Variants in HDAC9 observed in about 807,000 individuals in gnomAD.
HDAC9 encodes histone deacetylase 9.
In HDAC9, 41 loss-of-function variants were observed where a neutral mutation model predicts 139.4. The ratio of observed to expected loss-of-function variants is 0.29; its 90% CI spans 0.23 to 0.38. HDAC9 has a LOEUF of 0.38. Ranked by LOEUF, HDAC9 falls within the 10% of genes least tolerant of loss-of-function variation. HDAC9 has a pLI of 1.00. For synonymous variants in HDAC9, 517 were observed against 476.2 expected, an observed-to-expected ratio of 1.09 and a Z score of -1.12; for missense variants, 1,147 against 1,297.0, an observed-to-expected ratio of 0.88 and a Z score of 1.78.
At chr7:18,599,442 TCTC>T (rs1833352629) in intron 6 of HDAC9, among the ~76,000 whole-genome samples, 1 of 152,180 alleles carries the variant, frequency 6.6e-6, no homozygotes, top group Admixed American at 6.5e-5. Context: ...ACCCTAAAAA[TCTC>T]CTGTGCCCCA....
intron 22 of HDAC9, chr7:18,892,585 G>C (rs1297688411): frequency 6.6e-6 from 1 of 152,220 alleles, no homozygotes; most frequent in Non-Finnish European, 1.5e-5. Context: ...TCTCCTGGAA[G>C]GTCATATTGT....
chr7:18,407,362 A>C (rs929252830), intron 1 of HDAC9, among the ~76,000 whole-genome samples: 2 of 152,246 alleles, frequency 1.3e-5, no homozygotes, highest in African/African-American at 4.8e-5. Context: ...GGGACAAATA[A>C]TGTTGCACAT....
At chr7:18,938,566 G>A (rs1041428153) in intron 23 of HDAC9, among the ~76,000 whole-genome samples, 1 of 152,012 alleles carries the variant, frequency 6.6e-6, no homozygotes, top group Admixed American at 6.6e-5. Flanking sequence ...CTGCATTCCA[G>A]CCTGGGCGAC....
At chr7:18,363,967 C>G (rs992976748) in intron 1 of HDAC9, among the ~76,000 whole-genome samples, 1 of 152,146 alleles carries the variant, frequency 6.6e-6, no homozygotes, top group Admixed American at 6.6e-5. Flanking sequence ...CCCAGAATTT[C>G]ATTCTGAATG....
In HDAC9 at chr7:18,762,635, C is replaced by T. The variant is rs1789491223; in HGVS notation, c.2164+358C>T. On this transcript the variant is annotated intron_variant, in intron 15 of 25. Coordinates refer to ENST00000686413, the MANE Select transcript of HDAC9 (RefSeq NM_178425.4). Reference sequence around the variant, plus strand: ...TTTATGCAAATTTCTCTTCACCGTTCCCATTTTTTTGTATCTTTTAGTTCT... The same window carrying T: ...TTTATGCAAATTTCTCTTCACCGTTTCCATTTTTTTGTATCTTTTAGTTCT... Among the ~76,000 whole-genome samples the T allele has an allele frequency of 3.3e-5, 5 of 152,096 alleles. No individual in the cohort carries two copies. In the South Asian group the frequency reaches 1.0e-3, roughly 32 times the overall value.
intron 2 of HDAC9, among the ~76,000 whole-genome samples, chr7:18,563,516 A>T (rs1583428551): frequency 3.3e-5 from 5 of 152,266 alleles, no homozygotes; most frequent in Admixed American, 3.3e-4. Context: ...ATTTTCTTAT[A>T]ACCCCTACAG....
chr7:18,161,707 A>G (rs1197913825), intron 1 of HDAC9, among the ~76,000 whole-genome samples: 4 of 152,164 alleles, frequency 2.6e-5, no homozygotes, highest in Non-Finnish European at 5.9e-5. Context: ...AGACCTCAAG[A>G]AGAAGTGGAA....
intron 14 of HDAC9, among the ~76,000 whole-genome samples, chr7:18,758,708 A>G (rs1262607885): frequency 2.0e-5 from 3 of 152,162 alleles, no homozygotes; most frequent in African/African-American, 7.2e-5. Context: ...TTAATCATCC[A>G]CCAAATTCTC....
chr7:18,622,482 C>G (rs559513440), intron 6 of HDAC9, among the ~76,000 whole-genome samples: 1 of 151,996 alleles, frequency 6.6e-6, no homozygotes, highest in South Asian at 2.1e-4. Context: ...GCCACCACAC[C>G]CGGCTAATTT....
intron 1 of HDAC9, among the ~76,000 whole-genome samples, chr7:18,477,716 A>G (rs962869148): frequency 6.6e-6 from 1 of 152,140 alleles, no homozygotes; most frequent in African/African-American, 2.4e-5. Context: ...GTCGATTCTT[A>G]AAATTGGCCA....
intron 6 of HDAC9, among the ~76,000 whole-genome samples, chr7:18,603,992 C>A (rs1365568900): frequency 1.3e-5 from 2 of 151,994 alleles, no homozygotes; most frequent in African/African-American, 4.8e-5. Flanking sequence ...TAAATCTTAT[C>A]CTTGTTGCTC....
rs976539472 is a variant in HDAC9, at chr7:18,667,547, A to C, written c.1731+1071A>C. 2.0e-5 allele frequency: 20 copies of C among 985,208 alleles called. No homozygotes were observed. The African/African-American group carries it at 3.3e-4, about 16-fold the overall frequency. The allele number at this position is 985,208 out of a possible 1,614,324, so 61.0% of individuals were successfully genotyped here. On this transcript the variant is annotated intron_variant, in intron 12 of 25. Transcript: ENST00000686413. ...TCCTTTGATGCTATAAAATACAAAC[A>C]ACTTTGAAGGCAACAGAAGACACTG...
chr7:18,793,101 T>C (rs1035205346), intron 16 of HDAC9: 14 of 472,050 alleles, frequency 3.0e-5, no homozygotes, highest in South Asian at 1.7e-4. Flanking sequence ...TGTGTTTCCA[T>C]TGGAGAAGTC....
intron 6 of HDAC9, among the ~76,000 whole-genome samples, chr7:18,623,917 C>T (rs1056329501): frequency 1.4e-4 from 21 of 152,006 alleles, no homozygotes; most frequent in African/African-American, 5.1e-4. Flanking sequence ...CCAGCATGGG[C>T]GACAGAGCAA....
At chr7:18,242,322 A>G (rs907422454) in intron 2 of HDAC9, among the ~76,000 whole-genome samples, 1 of 152,196 alleles carries the variant, frequency 6.6e-6, no homozygotes, top group Non-Finnish European at 1.5e-5. Context: ...TCCTTGTACT[A>G]TATTTGCATG....
chr7:18,490,526 G>A (rs1027589840), intron 1 of HDAC9, among the ~76,000 whole-genome samples: 3 of 151,944 alleles, frequency 2.0e-5, no homozygotes, highest in East Asian at 1.9e-4. Flanking sequence ...AAAATCTTGC[G>A]TCAGATGAGG....
intron 12 of HDAC9, among the ~76,000 whole-genome samples, chr7:18,711,571 C>A (rs1292735371): frequency 6.6e-6 from 1 of 152,176 alleles, no homozygotes; most frequent in African/African-American, 2.4e-5. Flanking sequence ...TTGAGAGCCA[C>A]CAATACCAGC....
chr7:18,694,313 T>C (rs989547871), intron 12 of HDAC9, among the ~76,000 whole-genome samples: 8 of 152,138 alleles, frequency 5.3e-5, no homozygotes, highest in Non-Finnish European at 1.2e-4. Flanking sequence ...CTAATGAATG[T>C]GTTGATTTCT....
chr7:18,623,952 A>AAAGCATTGGG (rs1396036870), intron 6 of HDAC9, among the ~76,000 whole-genome samples: 1 of 152,160 alleles, frequency 6.6e-6, no homozygotes, highest in East Asian at 1.9e-4. Context: ...GGGGGTAAAA[A>AAAGCATTGGG]AAGCATTGGG....
Sources: gnomAD v4.1 joint callset for allele counts (sites outside exome capture counted in the v4.1 genomes callset) on GRCh38, gnomAD v4.1.1 for gene constraint, MANE v1.5 for transcripts, NCBI Gene and HGNC (gene_info 2026-07-23, HGNC 2026-07-21) for gene names.